CNTN4: variants seen among roughly 807,000 people sequenced by gnomAD.
CNTN4 encodes the protein contactin-4.
In CNTN4, 77 loss-of-function variants were observed where a neutral mutation model predicts 122.5. The ratio of observed to expected loss-of-function variants is 0.63; its 90% CI spans 0.52 to 0.76. The LOEUF is 0.76. Ranked by LOEUF, CNTN4 falls within the 30% of genes least tolerant of loss-of-function variation. The pLI, the probability that CNTN4 is intolerant of heterozygous loss-of-function variation, is 0.00. For missense variants in CNTN4, 1,256 were observed against 1,259.1 expected (o/e 1.00, Z 0.04); for synonymous variants, 512 against 447.0 (o/e 1.15, Z -1.83).
At chr3:2,941,521 T>G (rs1351999051) in intron 13 of CNTN4, among the ~76,000 whole-genome samples, 1 of 152,234 alleles carries the variant, frequency 6.6e-6, no homozygotes, top group Non-Finnish European at 1.5e-5. Context: ...TGCTAATTTC[T>G]GTTTCATCAC....
In CNTN4 at chr3:2,157,343, G is replaced by C. The variant is rs140862353; in HGVS notation, c.-145+56704G>C. Among the ~76,000 whole-genome samples, 778 of 152,212 alleles carry C rather than the reference G, an allele frequency of 5.1e-3. 5 individuals are homozygous for C. Among genetic ancestry groups the C allele is most frequent in the African/African-American group, 0.018 (736 of 41,532 alleles). ...GGAGGTGTGCACTCCGACGAGAAAT[G>C]AGACAGGTGGGGAAGTCCAGTGTAC... On this transcript the variant is annotated intron_variant, in intron 2 of 24. Transcript: ENST00000418658.
At chr3:2,115,590 T>C (rs946714946) in intron 2 of CNTN4, among the ~76,000 whole-genome samples, 1 of 152,238 alleles carries the variant, frequency 6.6e-6, no homozygotes, top group Admixed American at 6.5e-5. Context: ...CATGGCATTT[T>C]CCACAGTTTA....
chr3:2,303,170 G>A (rs1197958359), intron 2 of CNTN4, among the ~76,000 whole-genome samples: 1 of 152,142 alleles, frequency 6.6e-6, no homozygotes, highest in Non-Finnish European at 1.5e-5. Flanking sequence ...ATAGAGCCAT[G>A]GCGTAAATCT....
rs142769163 is a variant in CNTN4 at position 2,118,874 on chromosome 3, G to A, written c.-145+18235G>A. ...CATCTTGTTATGACATTTAGAAAAA[G>A]TTTTCAGTTGCATGTCTTTCATTTT... On this transcript the variant is annotated intron_variant, in intron 2 of 24. Coordinates refer to ENST00000418658, the MANE Select transcript of CNTN4 (RefSeq NM_175607.3). Among the ~76,000 whole-genome samples, 526 of 152,260 alleles carry A rather than the reference G, an allele frequency of 3.5e-3. 2 individuals are homozygous for A. The highest frequency in any genetic ancestry group is 0.012 in the African/African-American group (483 of 41,546).
At chr3:2,485,145 TG>T (rs2076116375) in intron 3 of CNTN4, among the ~76,000 whole-genome samples, 1 of 152,166 alleles carries the variant, frequency 6.6e-6, no homozygotes, top group Non-Finnish European at 1.5e-5. Context: ...TGCCTCCCCG[TG>T]GGGCAGGGCT....
chr3:2,743,836 G>C (rs374066177), intron 5 of CNTN4, among the ~76,000 whole-genome samples: 1 of 152,090 alleles, frequency 6.6e-6, no homozygotes, highest in Non-Finnish European at 1.5e-5. Context: ...ATGAGGTCTC[G>C]CTCTGTTGCC....
At chr3:2,901,832 G>A (rs2094177277) in intron 11 of CNTN4, among the ~76,000 whole-genome samples, 1 of 152,196 alleles carries the variant, frequency 6.6e-6, no homozygotes, top group African/African-American at 2.4e-5. Flanking sequence ...GAAGGAATTA[G>A]GTGGGGGTAC....
intron 4 of CNTN4, among the ~76,000 whole-genome samples, chr3:2,642,880 A>T (rs985005742): frequency 2.6e-5 from 4 of 152,156 alleles, no homozygotes; most frequent in Admixed American, 2.6e-4. Context: ...TTGGGTCTCA[A>T]TTCAAAATCT....
At chr3:2,307,366 C>T (rs1302747066) in intron 2 of CNTN4, among the ~76,000 whole-genome samples, 1 of 150,838 alleles carries the variant, frequency 6.6e-6, no homozygotes, top group Admixed American at 6.6e-5. Flanking sequence ...ACCCGGGAGG[C>T]GGAGCTTGCA....
rs73806667 is a variant in CNTN4 at position 2,509,984 on chromosome 3, T to A, written c.-88-61432T>A. 8.1e-3 allele frequency among the ~76,000 whole-genome samples: 1,241 copies of A among 152,314 alleles called. 19 individuals are homozygous for A. Among genetic ancestry groups the A allele is most frequent in the African/African-American group, 0.028 (1,168 of 41,560 alleles). On this transcript the variant is annotated intron_variant, in intron 3 of 24. Coordinates refer to ENST00000418658, the MANE Select transcript of CNTN4 (RefSeq NM_175607.3). ...GTGTTTTACTATCAGGTAGACACAG[T>A]TTGTGTACAACTAAATAAGACCATT...
chr3:2,904,153 G>A (rs555761964), intron 12 of CNTN4, among the ~76,000 whole-genome samples: 151 of 152,296 alleles, frequency 9.9e-4, no homozygotes, highest in African/African-American at 3.3e-3. Context: ...TTTGGGAACT[G>A]CCTCCTATTT....
intron 7 of CNTN4, among the ~76,000 whole-genome samples, chr3:2,830,841 C>T (rs1246284400): frequency 1.3e-5 from 2 of 152,072 alleles, no homozygotes; most frequent in Admixed American, 6.6e-5. Flanking sequence ...CAGGTCAGTG[C>T]ATTAAGCAGG....
intron 7 of CNTN4, among the ~76,000 whole-genome samples, chr3:2,822,816 G>T (rs1488082037): frequency 6.6e-6 from 1 of 152,118 alleles, no homozygotes; most frequent in African/African-American, 2.4e-5. Context: ...TGTCTCTGCT[G>T]GCAGCAGTCA....
intron 3 of CNTN4, among the ~76,000 whole-genome samples, chr3:2,529,279 G>C (rs1458230581): frequency 6.6e-6 from 1 of 152,030 alleles, no homozygotes; most frequent in African/African-American, 2.4e-5. Flanking sequence ...CCACGTGAGA[G>C]GATATTACTA....
intron 2 of CNTN4, among the ~76,000 whole-genome samples, chr3:2,104,559 A>G (rs1187145379): frequency 6.6e-6 from 1 of 152,142 alleles, no homozygotes; most frequent in Non-Finnish European, 1.5e-5. Context: ...CATTCAGTCA[A>G]GATACAGAGT....
intron 3 of CNTN4, among the ~76,000 whole-genome samples, chr3:2,340,100 T>G (rs889950885): frequency 3.3e-5 from 5 of 151,050 alleles, no homozygotes; most frequent in Admixed American, 6.6e-5. Context: ...GATCACATCT[T>G]AACTTGATTT....
At chr3:2,692,848 G>T (rs951360203) in intron 4 of CNTN4, among the ~76,000 whole-genome samples, 6 of 151,920 alleles carry the variant, frequency 3.9e-5, no homozygotes, top group Non-Finnish European at 7.4e-5. Flanking sequence ...TTACCATAAG[G>T]TTAGAGTAAC....
chr3:2,780,039 G>A (rs192887293), intron 6 of CNTN4, among the ~76,000 whole-genome samples: 1 of 152,268 alleles, frequency 6.6e-6, no homozygotes. Flanking sequence ...GTAGTGGGGA[G>A]GTCTTAATCC....
chr3:2,972,075 T>C (rs1456310185), intron 13 of CNTN4, among the ~76,000 whole-genome samples: 2 of 152,178 alleles, frequency 1.3e-5, no homozygotes, highest in Admixed American at 6.5e-5. Context: ...ATGGCATACT[T>C]TGTAGGATTG....
Sources: gnomAD v4.1 joint callset for allele counts (sites outside exome capture counted in the v4.1 genomes callset) on GRCh38, gnomAD v4.1.1 for gene constraint, MANE v1.5 for transcripts, NCBI Gene and HGNC (gene_info 2026-07-23, HGNC 2026-07-21) for gene names.